SORT1: variants seen among roughly 807,000 people sequenced by gnomAD.
The protein encoded by SORT1 is sortilin.
Under a neutral mutation model 101.7 loss-of-function variants are expected in SORT1, and 39 were observed. That is an observed-to-expected ratio of 0.38 (90% confidence interval 0.30 to 0.50). SORT1 has a LOEUF of 0.50. Among genes scored for constraint, SORT1 ranks in the 20% least tolerant of loss-of-function variants. The probability of loss-of-function intolerance (pLI) is 0.90; values close to 1 mark genes in which losing one functional copy is unlikely to be tolerated. For missense variants in SORT1, 878 were observed against 1,040.4 expected, an observed-to-expected ratio of 0.84 and a Z score of 2.15; for synonymous variants, 396 against 393.7, an observed-to-expected ratio of 1.01 and a Z score of -0.07.
chr1:109,384,312 T>A (rs1331531433), intron 1 of SORT1, among the ~76,000 whole-genome samples: 1 of 152,208 alleles, frequency 6.6e-6, no homozygotes, highest in African/African-American at 2.4e-5. Flanking sequence ...ATTCAATTTA[T>A]TAAACCGGTT....
chr1:109,333,503 T>C (rs1557789567), intron 11 of SORT1, among the ~76,000 whole-genome samples: 1 of 152,116 alleles, frequency 6.6e-6, no homozygotes, highest in Non-Finnish European at 1.5e-5. Flanking sequence ...GAGAAAATAC[T>C]TGCAAACCAT....
In SORT1 at chr1:109,336,329, T is replaced by G. The variant is rs1648823851; in HGVS notation, c.1282A>C (p.Met428Leu). 6.2e-7 allele frequency: 1 copy of G among 1,608,274 alleles called. No individual in the cohort carries two copies. Among genetic ancestry groups the G allele is most frequent in the Admixed American group, 1.7e-5 (1 of 60,018 alleles). ...CTTCCTCCTTGGTCAAAAGTGATCA[T>G]GGTCTGGATAGAATTATCTGAATGG... ...VLSEDNSIQT[M>L]ITFDQGGRWT... is the part of the protein sequence containing the mutation. The change falls in exon 11 of 20, where the codon ATG (methionine) becomes CTG (leucine). Residue 428 changes from methionine to leucine, a missense_variant. Coordinates refer to ENST00000256637, the MANE Select transcript of SORT1 (RefSeq NM_002959.7).
At chr1:109,337,266 G>T (rs946051595) in intron 10 of SORT1, among the ~76,000 whole-genome samples, 5 of 151,760 alleles carry the variant, frequency 3.3e-5, no homozygotes, top group Non-Finnish European at 7.4e-5. Context: ...TATTTATTGA[G>T]ATGGATTTTC....
intron 2 of SORT1, among the ~76,000 whole-genome samples, chr1:109,369,262 C>G (rs1055350555): frequency 6.6e-6 from 1 of 152,156 alleles, no homozygotes; most frequent in African/African-American, 2.4e-5. Context: ...GTGGAGGTTG[C>G]AGTGAGCTGA....
chr1:109,381,155 C>T (rs1652203765), intron 1 of SORT1, among the ~76,000 whole-genome samples: 1 of 152,070 alleles, frequency 6.6e-6, no homozygotes, highest in African/African-American at 2.4e-5. Flanking sequence ...AAATCCTATT[C>T]TTAGGAATTT....
chr1:109,355,638 T>C (rs1650256556), intron 3 of SORT1, among the ~76,000 whole-genome samples, 169 bp from the exon 4 acceptor site: 1 of 41,312 alleles, frequency 2.4e-5, no homozygotes, highest in African/African-American at 1.1e-4. Context: ...CGAAGAACAT[T>C]CCACCCGCCC....
rs777446545 is a variant in SORT1, at chr1:109,345,893, C to A, written c.833-12G>T. ...CCCAAGGTCAGCTTCTTAAACAAGA[C>A]AAAATATTAATTAAAATTTCACTTA... On this transcript the variant is annotated splice_polypyrimidine_tract_variant and intron_variant, in intron 7 of 19. Coordinates refer to ENST00000256637, the MANE Select transcript of SORT1 (RefSeq NM_002959.7). 6.2e-6 allele frequency: 10 copies of A among 1,602,026 alleles called. No homozygotes were observed. The South Asian group carries it at 1.1e-4, about 18-fold the overall frequency.
Position 109,397,669 on chromosome 1 carries a change from CA to C in SORT1, c.223del (p.Trp75GlyfsTer51). 1 of 1,211,174 alleles carries C rather than the reference CA, an allele frequency of 8.3e-7. No homozygotes were observed. The highest frequency in any genetic ancestry group is 1.0e-6 in the Non-Finnish European group (1 of 971,940). 75.0% of individuals were successfully genotyped at this position (1,211,174 alleles called of 1,614,324 possible). On this transcript the variant is annotated frameshift_variant, in exon 1 of 20. Coordinates refer to ENST00000256637, the MANE Select transcript of SORT1 (RefSeq NM_002959.7). LOFTEE classifies it high-confidence loss of function. ...AGGAFPRGGR[W>X]RRSAPGEDEE... ...GTCCTCGCCCGGCGCGCTGCGACGCCAACGGCCGCCGCGGGGAAACGCGCCC... is the reference window on the plus strand; with the variant it reads ...GTCCTCGCCCGGCGCGCTGCGACGCCACGGCCGCCGCGGGGAAACGCGCCC...
At chr1:109,316,584 C>T (rs561442808) in intron 17 of SORT1, among the ~76,000 whole-genome samples, 1 of 152,204 alleles carries the variant, frequency 6.6e-6, no homozygotes, top group Admixed American at 6.5e-5. Context: ...GAAATTTCCA[C>T]AACTGTATGA....
chr1:109,359,328 C>T (rs1308161021), intron 3 of SORT1, among the ~76,000 whole-genome samples: 1 of 152,044 alleles, frequency 6.6e-6, no homozygotes, highest in Non-Finnish European at 1.5e-5. Context: ...CTCCTAATAC[C>T]ATCGCACTAG....
intron 1 of SORT1, among the ~76,000 whole-genome samples, chr1:109,395,847 GGTGGA>G (rs1186913816): frequency 6.6e-6 from 1 of 152,120 alleles, no homozygotes; most frequent in Non-Finnish European, 1.5e-5. Flanking sequence ...GGCTAAGGTG[GGTGGA>G]GCACTTGAGC....
intron 1 of SORT1, 84 bp downstream of exon 1, chr1:109,397,503 G>T: frequency 3.2e-6 from 3 of 925,878 alleles, no homozygotes; most frequent in South Asian, 9.1e-5. Context: ...GGTCTCCTCC[G>T]GGAGTCGCGG....
chr1:109,397,856 G>T lies in SORT1; in HGVS notation c.37C>A (p.Arg13Ser). The T allele has an allele frequency of 7.8e-7, 1 of 1,284,518 alleles. No homozygotes were observed. The highest frequency in any genetic ancestry group is 1.8e-5 in the South Asian group (1 of 55,442). The allele number at this position is 1,284,518 out of a possible 1,614,324, so 79.6% of individuals were successfully genotyped here. A position where few individuals can be genotyped will look rare whatever the true frequency, so the allele number is the denominator to read the frequency against. Residue 13 changes from arginine (R) to serine (S), a missense_variant, in exon 1 of 20, where the codon CGC (arginine) becomes AGC (serine). Arg to Ser is a moderately radical substitution (Grantham distance 110). Transcript: ENST00000256637. ...AGGAGGCCGAGGCCATGGGGCCAGCGCGAGAGGCCGTCCGCAGCTCCCCAG... is the reference window on the plus strand; with the variant it reads ...AGGAGGCCGAGGCCATGGGGCCAGCTCGAGAGGCCGTCCGCAGCTCCCCAG... ...RPWGAADGLS[R>S]WPHGLGLLLL...
intron 11 of SORT1, among the ~76,000 whole-genome samples, chr1:109,333,358 G>A (rs1474408293): frequency 1.3e-5 from 2 of 152,154 alleles, no homozygotes; most frequent in Non-Finnish European, 2.9e-5. Flanking sequence ...TCTGGGCAAT[G>A]GCTTTTTGGA....
In SORT1 at chr1:109,336,333, C is replaced by A; in HGVS notation, c.1278G>T (p.Gln426His). Residue 426 changes from glutamine (Q) to histidine (H), a missense_variant, in exon 11 of 20, where the codon CAG (glutamine) becomes CAT (histidine). Gln to His is a conservative substitution (Grantham distance 24, BLOSUM62 0). This residue lies in a region of SORT1 where 684 missense variants were observed against 894.5 expected (regional missense o/e 0.76). Coordinates refer to ENST00000256637, the MANE Select transcript of SORT1 (RefSeq NM_002959.7). ...TSVLSEDNSI[Q>H]TMITFDQGGR... ...CTCCTTGGTCAAAAGTGATCATGGT[C>A]TGGATAGAATTATCTGAATGGGAAG... 1.2e-6 allele frequency: 2 copies of A among 1,606,846 alleles called. No homozygotes were observed. The highest frequency in any genetic ancestry group is 1.7e-6 in the Non-Finnish European group (2 of 1,173,356).
In SORT1 at chr1:109,347,530, C is replaced by A; in HGVS notation, c.785G>T (p.Gly262Val). The A allele has an allele frequency of 6.2e-7, 1 of 1,609,280 alleles. No individual in the cohort carries two copies. The highest frequency in any genetic ancestry group is 8.5e-7 in the Non-Finnish European group (1 of 1,175,698). The change falls in exon 7 of 20, where the codon GGA becomes GTA. Residue 262 changes from glycine to valine, a missense_variant and splice_region_variant. Gly to Val is a moderately radical substitution (Grantham distance 109, BLOSUM62 -3). Transcript: ENST00000256637. ...IHKAVCLAKWGSDNTIFFTTY... is the reference protein window; with the variant it reads ...IHKAVCLAKWVSDNTIFFTTY... ...TGTAAAGAAGATGGTGTTGTCTGAT[C>A]CCCTACAATGAGGCAAAAACAGGGA...
chr1:109,319,695 G>A (rs142364382), intron 15 of SORT1, among the ~76,000 whole-genome samples: 4,072 of 151,876 alleles, frequency 0.027, 179 homozygotes, highest in African/African-American at 0.093. Context: ...GTGAAACCCC[G>A]TCTTTACTAG....
chr1:109,317,246 G>T lies in SORT1; in HGVS notation c.2142-288C>A, dbSNP rs768600469. On this transcript the variant is annotated intron_variant, in intron 16 of 19. Transcript: ENST00000256637. ...ACCCCAAAAAAGCTCATTAACAAGT[G>T]GTACAAAATGGGAGAGGGGAAGTTA... 3.5e-4 allele frequency among the ~76,000 whole-genome samples: 53 copies of T among 152,272 alleles called. 1 individual carries two copies. Among genetic ancestry groups the T allele is most frequent in the Admixed American group, 7.2e-4 (11 of 15,306 alleles).
At chr1:109,339,711 G>A (rs1327100998) in intron 10 of SORT1, among the ~76,000 whole-genome samples, 1 of 152,178 alleles carries the variant, frequency 6.6e-6, no homozygotes, top group Non-Finnish European at 1.5e-5. Context: ...ATTATCATGT[G>A]ATCCTGCTAT....
Sources: allele counts gnomAD v4.1 joint callset (sites outside exome capture counted in the v4.1 genomes callset), GRCh38; gene constraint gnomAD v4.1.1; regional missense constraint gnomAD v4.1.1; transcripts MANE v1.5; gene names NCBI Gene and HGNC (gene_info 2026-07-23, HGNC 2026-07-21).